Variants in TRAPPC11 observed in about 807,000 individuals in gnomAD.
TRAPPC11 encodes trafficking protein particle complex subunit 11.
In TRAPPC11, 104 loss-of-function variants were observed where a neutral mutation model predicts 151.2. The ratio of observed to expected loss-of-function variants is 0.69; its 90% CI spans 0.59 to 0.81. The LOEUF is 0.81. Ranked by LOEUF, TRAPPC11 falls within the 30% of genes least tolerant of loss-of-function variation. The probability of loss-of-function intolerance (pLI) is 0.00; values close to 1 mark genes in which losing one functional copy is unlikely to be tolerated. For synonymous variants in TRAPPC11, 456 were observed against 472.3 expected (o/e 0.97, Z 0.45); for missense variants, 1,230 against 1,349.6 (o/e 0.91, Z 1.39).
intron 11 of TRAPPC11, 73 bp downstream of exon 11, chr4:183,682,898 G>C: frequency 1.0e-6 from 1 of 952,414 alleles, no homozygotes; most frequent in South Asian, 1.4e-5. Flanking sequence ...ATTTTCCATT[G>C]GCTGCACATG....
chr4:183,681,859 T>A (rs1735717447), intron 10 of TRAPPC11, among the ~76,000 whole-genome samples: 1 of 152,224 alleles, frequency 6.6e-6, no homozygotes, highest in Non-Finnish European at 1.5e-5. Context: ...ACCTAGAATT[T>A]AATTTTTGGA....
At chr4:183,696,418 T>TG (rs1399572454) in intron 23 of TRAPPC11, among the ~76,000 whole-genome samples, 6 of 152,166 alleles carry the variant, frequency 3.9e-5, no homozygotes, top group African/African-American at 9.7e-5. Flanking sequence ...TATTTTGACA[T>TG]GGGGTCTCAC....
rs1387595412 is a variant in TRAPPC11, at chr4:183,682,805, C to G, written c.1187C>G (p.Ser396Ter). The change falls in exon 11 of 30, where the codon TCA becomes TGA. Residue 396 changes from serine to a stop codon, truncating the protein, a stop_gained. Transcript: ENST00000334690. LOFTEE classifies it high-confidence loss of function. Reference protein sequence around the residue: ...TGVLDFYGQRSWRQGILSFDL... With the variant: ...TGVLDFYGQR The stretch of plus-strand genomic sequence containing the variant: ...GTTCTTGACTTTTATGGACAAAGAT[C>G]ATGGCGACAAGGAATACTAAGTAAA... 6.2e-7 allele frequency: 1 copy of G among 1,612,890 alleles called. No individual in the cohort carries two copies. Among genetic ancestry groups the G allele is most frequent in the African/African-American group, 1.3e-5 (1 of 74,922 alleles).
chr4:183,671,302 C>T (rs1168215814), intron 5 of TRAPPC11, among the ~76,000 whole-genome samples: 1 of 152,162 alleles, frequency 6.6e-6, no homozygotes. Flanking sequence ...CTCTGATCTT[C>T]GTCTTTCCAT....
chr4:183,683,676 G>A (rs1485676576), intron 11 of TRAPPC11, among the ~76,000 whole-genome samples: 1 of 152,112 alleles, frequency 6.6e-6, no homozygotes, highest in African/African-American at 2.4e-5. Context: ...AAGAAAAAAA[G>A]GAAATGATTA....
chr4:183,690,308 GA>G (rs1188912969), intron 18 of TRAPPC11, among the ~76,000 whole-genome samples: 1 of 152,160 alleles, frequency 6.6e-6, no homozygotes, highest in African/African-American at 2.4e-5. Flanking sequence ...AACTGTGTAA[GA>G]ATTTCTATGA....
In TRAPPC11 at chr4:183,679,338, T is replaced by C; in HGVS notation, c.832-15T>C. ...TTTTTTTCCTTTATTTTGGGATCAA[T>C]TTTACATTTTGCAGATCTGTAGGCT... On this transcript the variant is annotated splice_polypyrimidine_tract_variant and intron_variant, in intron 8 of 29. Coordinates refer to ENST00000334690, the MANE Select transcript of TRAPPC11 (RefSeq NM_021942.6). The C allele has an allele frequency of 6.4e-7, 1 of 1,557,532 alleles. No individual in the cohort carries two copies. The highest frequency in any genetic ancestry group is 8.7e-7 in the Non-Finnish European group (1 of 1,155,412).
At chr4:183,676,765 C>G (rs184775564) in intron 7 of TRAPPC11, among the ~76,000 whole-genome samples, 2 of 152,242 alleles carry the variant, frequency 1.3e-5, no homozygotes, top group East Asian at 3.9e-4. Flanking sequence ...AGCTGTTGAC[C>G]TGTGCTGCTG....
intron 23 of TRAPPC11, among the ~76,000 whole-genome samples, chr4:183,696,365 T>C (rs867700313): frequency 1.8e-4 from 27 of 152,224 alleles, no homozygotes; most frequent in African/African-American, 6.3e-4. Flanking sequence ...TTTTGAAAGA[T>C]GAAATAACCC....
intron 26 of TRAPPC11, among the ~76,000 whole-genome samples, chr4:183,702,485 T>C (rs1291117408): frequency 6.6e-6 from 1 of 152,102 alleles, no homozygotes; most frequent in Non-Finnish European, 1.5e-5. Flanking sequence ...GTGAAATGAA[T>C]GAACCAGAGC....
At position 183,689,631 on chromosome 4, in the gene TRAPPC11, C is replaced by CT. The variant is rs777524576; in HGVS notation, c.1894-1669dup. ...AAATTAGAGGGTCAACACAAGGACTCTTTTTTTTTTTTTTTTAAAGAGATA... is the reference window on the plus strand; with the variant it reads ...AAATTAGAGGGTCAACACAAGGACTCTTTTTTTTTTTTTTTTTAAAGAGATA... On this transcript the variant is annotated intron_variant, in intron 18 of 29. Transcript: ENST00000334690. Among the ~76,000 whole-genome samples, 761 of 111,768 alleles carry CT rather than the reference C, an allele frequency of 6.8e-3. 8 individuals are homozygous for CT. Among genetic ancestry groups the CT allele is most frequent in the African/African-American group, 0.018 (521 of 29,524 alleles). The allele number at this position is 111,768 out of a possible 152,430, so 73.3% of individuals were successfully genotyped here. A position where few individuals can be genotyped will look rare whatever the true frequency, so the allele number is the denominator to read the frequency against.
intron 4 of TRAPPC11, 67 bp from the exon 5 acceptor site, chr4:183,667,936 A>G: frequency 9.3e-7 from 1 of 1,077,284 alleles, no homozygotes; most frequent in African/African-American, 1.6e-5. Context: ...GACTTGGGGA[A>G]ATATTTATTT....
chr4:183,686,494 G>A lies in TRAPPC11; in HGVS notation c.1763-124G>A, dbSNP rs1019165210. ...ATTTGTCTCTTGAAGTGCCTTAAGTGCAGAAGTCAGTAAGAATGGTCAGTG... is the reference window on the plus strand; with the variant it reads ...ATTTGTCTCTTGAAGTGCCTTAAGTACAGAAGTCAGTAAGAATGGTCAGTG... On this transcript the variant is annotated intron_variant, in intron 17 of 29. Coordinates refer to ENST00000334690, the MANE Select transcript of TRAPPC11 (RefSeq NM_021942.6). The A allele has an allele frequency of 6.0e-5, 66 of 1,092,470 alleles. No individual in the cohort carries two copies. The African/African-American group carries it at 7.7e-4, about 13-fold the overall frequency. 67.7% of individuals were successfully genotyped at this position (1,092,470 alleles called of 1,614,324 possible).
intron 2 of TRAPPC11, among the ~76,000 whole-genome samples, chr4:183,664,349 C>T (rs894211540): frequency 6.6e-6 from 1 of 152,108 alleles, no homozygotes; most frequent in Non-Finnish European, 1.5e-5. Context: ...ACATAGTCCC[C>T]TCTAAAAGGA....
At chr4:183,684,520 T>C (rs987114036) in intron 14 of TRAPPC11, among the ~76,000 whole-genome samples, 161 bp downstream of exon 14, 3 of 152,226 alleles carry the variant, frequency 2.0e-5, no homozygotes, top group African/African-American at 7.2e-5. Context: ...GATGGCACAA[T>C]CTTTTTCAGT....
In TRAPPC11 at chr4:183,711,688, G is replaced by A. The variant is rs1160606311; in HGVS notation, c.3358-912G>A. Among the ~76,000 whole-genome samples the A allele has an allele frequency of 2.6e-4, 26 of 100,934 alleles. No individual in the cohort carries two copies. In the Admixed American group the frequency reaches 2.6e-3, roughly 10 times the overall value. 66.2% of individuals were successfully genotyped at this position (100,934 alleles called of 152,430 possible). A position where few individuals can be genotyped will look rare whatever the true frequency, so the allele number is the denominator to read the frequency against. ...TGAACAACCACAGCAGCAGCAAACT[G>A]AAAGCAGGAGTGCTGTCTTCACTGC... On this transcript the variant is annotated intron_variant, in intron 29 of 29. Transcript: ENST00000334690.
chr4:183,679,317 T>A (rs749837144), intron 8 of TRAPPC11, 36 bp from the exon 9 acceptor site: 1 of 1,520,146 alleles, frequency 6.6e-7, no homozygotes, highest in Admixed American at 2.3e-5. Flanking sequence ...ACTTTCTTTT[T>A]TTCCTTTATT....
intron 22 of TRAPPC11, among the ~76,000 whole-genome samples, chr4:183,694,256 A>G (rs1201956353): frequency 6.6e-6 from 1 of 152,218 alleles, no homozygotes; most frequent in Non-Finnish European, 1.5e-5. Flanking sequence ...CTTAACATGA[A>G]TTAGTGGGCT....
At chr4:183,674,205 G>T (rs892338078) in intron 5 of TRAPPC11, among the ~76,000 whole-genome samples, 3 of 150,574 alleles carry the variant, frequency 2.0e-5, no homozygotes, top group African/African-American at 7.3e-5. Flanking sequence ...CTTGAGGTCA[G>T]GAGATCAACA....
Sources: gnomAD v4.1 joint callset for allele counts (sites outside exome capture counted in the v4.1 genomes callset) on GRCh38, gnomAD v4.1.1 for gene constraint, MANE v1.5 for transcripts, NCBI Gene and HGNC (gene_info 2026-07-23, HGNC 2026-07-21) for gene names.